VNN1: variants seen among roughly 807,000 people sequenced by gnomAD.
VNN1 encodes the protein pantetheinase.
A neutral mutation model predicts 41.9 loss-of-function variants in VNN1; 29 were observed. That is an observed-to-expected ratio of 0.69 (90% CI 0.52 to 0.94). The LOEUF (loss-of-function observed/expected upper bound fraction) is 0.94. Ranked by LOEUF, VNN1 falls within the 40% of genes least tolerant of loss-of-function variation. VNN1 has a pLI of 0.00. For synonymous variants in VNN1, 233 were observed against 224.4 expected (o/e 1.04, Z -0.34); for missense variants, 637 against 621.1 (o/e 1.03, Z -0.27).
intron 5 of VNN1, among the ~76,000 whole-genome samples, chr6:132,690,256 C>A (rs901845343): frequency 1.3e-5 from 2 of 152,192 alleles, no homozygotes; most frequent in Non-Finnish European, 2.9e-5. Context: ...AGAATAAAGG[C>A]TGAATCTTAA....
chr6:132,701,869 G>A (rs1389274537), intron 2 of VNN1, among the ~76,000 whole-genome samples: 9 of 152,190 alleles, frequency 5.9e-5, no homozygotes, highest in Non-Finnish European at 1.0e-4. Context: ...AGTGATTGTG[G>A]GACTTTACAT....
At chr6:132,696,841 C>T (rs62425075) in intron 2 of VNN1, among the ~76,000 whole-genome samples, 28,142 of 151,748 alleles carry the variant, frequency 0.19, 3,275 homozygotes, top group East Asian at 0.36. Context: ...CAGTGGCTCA[C>T]GCCTGTAATC....
At chr6:132,698,752 T>G (rs1186527939) in intron 2 of VNN1, 2 of 173,924 alleles carry the variant, frequency 1.1e-5, no homozygotes, top group East Asian at 1.6e-4. Flanking sequence ...CCAAGAAGGG[T>G]GGTTACCACT....
rs535486599 is a variant in VNN1 at position 132,703,094 on chromosome 6, G to T, written c.341+8615C>A. 1.4e-4 allele frequency among the ~76,000 whole-genome samples: 22 copies of T among 152,286 alleles called. No individual in the cohort carries two copies. In the South Asian group the frequency reaches 3.5e-3, roughly 24 times the overall value. The stretch of plus-strand genomic sequence containing the variant: ...CCTCAATTCCAGGACTTAGCTCCTG[G>T]ATGGCATTTCTAGACCCACCCTGAG... On this transcript the variant is annotated intron_variant, in intron 2 of 6. Transcript: ENST00000367928.
chr6:132,710,028 G>T (rs1398708856), intron 2 of VNN1, among the ~76,000 whole-genome samples: 1 of 152,126 alleles, frequency 6.6e-6, no homozygotes, highest in Non-Finnish European at 1.5e-5. Context: ...AGGTGTCTCT[G>T]TAAGTAGTTT....
chr6:132,710,090 C>A lies in VNN1; in HGVS notation c.341+1619G>T, dbSNP rs545593390. On this transcript the variant is annotated intron_variant, in intron 2 of 6. Coordinates refer to ENST00000367928, the MANE Select transcript of VNN1 (RefSeq NM_004666.3). ...TTGAGACAGAGTCTAGCTCTGTTAC[C>A]CAGGCTGGAGTGCAGTGTCACTCTC... is the stretch of plus-strand genomic sequence containing the variant. Among the ~76,000 whole-genome samples the A allele has an allele frequency of 2.8e-4, 43 of 152,126 alleles. No homozygotes were observed. The South Asian group carries it at 8.5e-3, about 30-fold the overall frequency.
At chr6:132,695,680 C>A (rs1194629845) in intron 2 of VNN1, among the ~76,000 whole-genome samples, 1 of 151,988 alleles carries the variant, frequency 6.6e-6, no homozygotes, top group East Asian at 1.9e-4. Flanking sequence ...TCTTTTTCTC[C>A]TTTGGATAGT....
At chr6:132,695,161 AT>A (rs1422002567) in intron 2 of VNN1, among the ~76,000 whole-genome samples, 2 of 151,518 alleles carry the variant, frequency 1.3e-5, no homozygotes, top group East Asian at 1.9e-4. Flanking sequence ...TCAAAAAAAA[AT>A]TTTTTTGAAT....
In VNN1 at chr6:132,692,450, T is replaced by C; in HGVS notation, c.961A>G (p.Ser321Gly). 1 of 1,614,114 alleles carries C rather than the reference T, an allele frequency of 6.2e-7. No homozygotes were observed. Among genetic ancestry groups the C allele is most frequent in the Admixed American group, 1.7e-5 (1 of 60,012 alleles). ...SAVVNWTSYASSIEALSSGNK... is the reference protein window; with the variant it reads ...SAVVNWTSYAGSIEALSSGNK... ...CCTGATGAGAGCGCTTCTATACTGC[T>C]GGCATAGGAAGTCCAGTTCACCACT... Residue 321 changes from serine (S) to glycine (G), a missense_variant, in exon 5 of 7, where the codon AGC (serine) becomes GGC (glycine). Coordinates refer to ENST00000367928, the MANE Select transcript of VNN1 (RefSeq NM_004666.3).
chr6:132,701,692 A>C (rs1778451003), intron 2 of VNN1, among the ~76,000 whole-genome samples: 1 of 152,232 alleles, frequency 6.6e-6, no homozygotes, highest in South Asian at 2.1e-4. Context: ...TAAGAACCAA[A>C]AATCAGAAGA....
rs1258029703 is a variant in VNN1 at position 132,681,194 on chromosome 6, G to C, written c.*1946C>G. On this transcript the variant is annotated 3_prime_UTR_variant, in exon 7 of 7. Coordinates refer to ENST00000367928, the MANE Select transcript of VNN1 (RefSeq NM_004666.3). ...TTCTGTGATTAGGTTTTCAAAGACT[G>C]TGGCTTACATCCAAGTTCCCTCGCT... 6.6e-6 allele frequency among the ~76,000 whole-genome samples: 1 copy of C among 152,168 alleles called. No individual in the cohort carries two copies. Among genetic ancestry groups the C allele is most frequent in the African/African-American group, 2.4e-5 (1 of 41,424 alleles).
At chr6:132,684,241 A>T (rs568623572) in intron 6 of VNN1, 94 bp downstream of exon 6, 1 of 1,304,132 alleles carries the variant, frequency 7.7e-7, no homozygotes, top group Non-Finnish European at 1.0e-6. Flanking sequence ...CTAAATGGAA[A>T]TTTTATGATA....
At chr6:132,688,560 G>A (rs1263226721) in intron 5 of VNN1, among the ~76,000 whole-genome samples, 1 of 152,118 alleles carries the variant, frequency 6.6e-6, no homozygotes, top group African/African-American at 2.4e-5. Context: ...TGAGGAGGCA[G>A]GAAGGAAAAG....
chr6:132,692,322 A>T lies in VNN1; in HGVS notation c.1089T>A (p.Cys363Ter), dbSNP rs1778302335. 6.2e-7 allele frequency: 1 copy of T among 1,614,104 alleles called. No homozygotes were observed. The highest frequency in any genetic ancestry group is 1.3e-5 in the African/African-American group (1 of 74,934). The change falls in exon 5 of 7, where the codon TGT becomes TGA. Residue 363 changes from cysteine to a stop codon, truncating the protein, a stop_gained. Coordinates refer to ENST00000367928, the MANE Select transcript of VNN1 (RefSeq NM_004666.3). LOFTEE classifies it high-confidence loss of function. ...TCTCAGACATTTTGTAGCTTAAATGACAGCAGAGATCTTTCTGACAAACTG... is the reference window on the plus strand; with the variant it reads ...TCTCAGACATTTTGTAGCTTAAATGTCAGCAGAGATCTTTCTGACAAACTG... ...NYTVCQKDLC[C>*]HLSYKMSENI...
intron 1 of VNN1, among the ~76,000 whole-genome samples, chr6:132,713,152 T>C (rs1778628361): frequency 6.6e-6 from 1 of 152,140 alleles, no homozygotes; most frequent in South Asian, 2.1e-4. Flanking sequence ...CAAAAGAATA[T>C]ATATTTATAG....
At chr6:132,689,154 G>A (rs930555064) in intron 5 of VNN1, among the ~76,000 whole-genome samples, 7 of 152,088 alleles carry the variant, frequency 4.6e-5, no homozygotes, top group African/African-American at 1.7e-4. Context: ...CCAAAGTGCT[G>A]GGATTACAGG....
At chr6:132,704,169 TAAAG>T (rs932793611) in intron 2 of VNN1, among the ~76,000 whole-genome samples, 3 of 151,046 alleles carry the variant, frequency 2.0e-5, no homozygotes, top group Non-Finnish European at 3.0e-5. Flanking sequence ...AAAAAAAAAA[TAAAG>T]AAACATTGGA....
rs914956533 is a variant in VNN1 at position 132,714,049 on chromosome 6, G to C, written c.-14C>G. On this transcript the variant is annotated 5_prime_UTR_variant, in exon 1 of 7. Transcript: ENST00000367928. ...CTGAGTAGTCATGCTGAAGTCCAAT[G>C]AGTGCTGAAAAACAGAGCATGTCCT... 1 of 1,602,602 alleles carries C rather than the reference G, an allele frequency of 6.2e-7. No homozygotes were observed.
At chr6:132,692,677 TTACTCTCTC>T (rs1778310493) in intron 4 of VNN1, 93 bp from the exon 5 acceptor site, 1 of 1,425,184 alleles carries the variant, frequency 7.0e-7, no homozygotes, top group East Asian at 2.4e-5. Context: ...TATTCACATT[TTACTCTCTC>T]TAAGTTATAT....
Sources: allele counts gnomAD v4.1 joint callset (sites outside exome capture counted in the v4.1 genomes callset), GRCh38; gene constraint gnomAD v4.1.1; transcripts MANE v1.5; gene names NCBI Gene and HGNC (gene_info 2026-07-23, HGNC 2026-07-21).